The following CAPN13 variants were observed in gnomAD, a reference collection of about 807,000 sequenced individuals.
CAPN13 encodes calpain-13.
A neutral mutation model predicts 98.4 loss-of-function variants in CAPN13; 90 were observed. That is an observed-to-expected ratio of 0.92 (90% CI 0.77 to 1.09). The LOEUF is 1.09. Ranked by LOEUF, CAPN13 falls within the 50% of genes least tolerant of loss-of-function variation. The pLI is 0.00. For missense variants in CAPN13, 887 were observed against 841.3 expected, an observed-to-expected ratio of 1.05 and a Z score of -0.67; for synonymous variants, 330 against 305.5, an observed-to-expected ratio of 1.08 and a Z score of -0.84.
chr2:30,759,958 G>A (rs984603215), intron 7 of CAPN13, among the ~76,000 whole-genome samples: 3 of 152,138 alleles, frequency 2.0e-5, no homozygotes, highest in Non-Finnish European at 2.9e-5. Context: ...TGCCTGCCCC[G>A]CTCCCTGGCC....
chr2:30,725,211 T>A (rs72613860), intron 22 of CAPN13, among the ~76,000 whole-genome samples: 5,883 of 152,126 alleles, frequency 0.039, 200 homozygotes, highest in East Asian at 0.14. Flanking sequence ...GAGCAATGAG[T>A]TAAGTGTTAG....
Position 30,807,045 on chromosome 2 carries a change from C to T in CAPN13, c.-33+257G>A, listed in dbSNP as rs540053343. On this transcript the variant is annotated intron_variant, in intron 1 of 22. Transcript: ENST00000295055. The stretch of plus-strand genomic sequence containing the variant: ...TGACAGAATGATTAAGAAATACTCT[C>T]TTTGCATGAAATATGCAAAGTTTGG... Among the ~76,000 whole-genome samples, 53 of 152,288 alleles carry T rather than the reference C, an allele frequency of 3.5e-4. 1 individual carries two copies. The South Asian group carries it at 8.7e-3, about 25-fold the overall frequency.
At chr2:30,802,892 C>T (rs1675373442) in intron 1 of CAPN13, among the ~76,000 whole-genome samples, 1 of 152,198 alleles carries the variant, frequency 6.6e-6, no homozygotes, top group African/African-American at 2.4e-5. Context: ...CCACGCCCAC[C>T]TAGGGCAGGT....
At chr2:30,800,308 T>C (rs981992980) in intron 1 of CAPN13, among the ~76,000 whole-genome samples, 1 of 152,068 alleles carries the variant, frequency 6.6e-6, no homozygotes, top group Admixed American at 6.6e-5. Context: ...ATCAACAGCT[T>C]GGCGCAAGAG....
chr2:30,751,077 G>C, intron 11 of CAPN13, 26 bp downstream of exon 11: 1 of 1,610,790 alleles, frequency 6.2e-7, no homozygotes, highest in Non-Finnish European at 8.5e-7. Flanking sequence ...TTCTACAAGG[G>C]AAAGCCCTGA....
chr2:30,786,847 A>G (rs779528849), intron 2 of CAPN13, among the ~76,000 whole-genome samples: 3 of 152,178 alleles, frequency 2.0e-5, no homozygotes, highest in Non-Finnish European at 4.4e-5. Context: ...TACAATCTTC[A>G]TACCCGTGGT....
chr2:30,761,424 C>T (rs11679542), intron 7 of CAPN13, among the ~76,000 whole-genome samples: 12 of 152,144 alleles, frequency 7.9e-5, no homozygotes, highest in African/African-American at 2.7e-4. Context: ...CCCGAGCTCC[C>T]CTTTGTCACC....
chr2:30,756,410 C>G (rs948516496), intron 8 of CAPN13, among the ~76,000 whole-genome samples: 18 of 152,222 alleles, frequency 1.2e-4, no homozygotes, highest in African/African-American at 3.6e-4. Flanking sequence ...ATCCATGAAG[C>G]TTTCCCTGAA....
chr2:30,778,771 A>G (rs1039082660), intron 2 of CAPN13, among the ~76,000 whole-genome samples: 2 of 152,080 alleles, frequency 1.3e-5, no homozygotes, highest in African/African-American at 4.8e-5. Flanking sequence ...TGCTTTCTCT[A>G]CAACTAACTG....
At chr2:30,755,055 G>C (rs1045836080) in intron 8 of CAPN13, among the ~76,000 whole-genome samples, 6 of 152,070 alleles carry the variant, frequency 3.9e-5, no homozygotes, top group African/African-American at 1.4e-4. Context: ...CCAGTTTCTT[G>C]CTTTCTCACC....
At chr2:30,773,380 G>C (rs2148044008) in intron 4 of CAPN13, among the ~76,000 whole-genome samples, 1 of 152,226 alleles carries the variant, frequency 6.6e-6, no homozygotes. Flanking sequence ...TCTAATAAAG[G>C]TTTAATTAGA....
intron 15 of CAPN13, among the ~76,000 whole-genome samples, chr2:30,738,911 GTGA>G (rs1671520278): frequency 6.6e-6 from 1 of 152,094 alleles, no homozygotes; most frequent in African/African-American, 2.4e-5. Context: ...GTGCACGTGT[GTGA>G]TAATAGGAAT....
intron 12 of CAPN13, among the ~76,000 whole-genome samples, chr2:30,744,888 G>A (rs975713043): frequency 6.6e-6 from 1 of 152,174 alleles, no homozygotes; most frequent in Non-Finnish European, 1.5e-5. Context: ...GACCTGAGAC[G>A]CTGATGGCTC....
In CAPN13 at chr2:30,759,028, TTCCCTCCCTCCCTCCTTCCTTCCTTCCC is replaced by T. The variant is rs1468436994; in HGVS notation, c.775-919_775-892del. Among the ~76,000 whole-genome samples, 432 of 72,044 alleles carry T rather than the reference TTCCCTCCCTCCCTCCTTCCTTCCTTCCC, an allele frequency of 6.0e-3. 5 individuals are homozygous for T. The highest frequency in any genetic ancestry group is 0.025 in the African/African-American group (407 of 16,276). 47.3% of individuals were successfully genotyped at this position (72,044 alleles called of 152,430 possible). On this transcript the variant is annotated intron_variant, in intron 7 of 22. Coordinates refer to ENST00000295055, the MANE Select transcript of CAPN13 (RefSeq NM_144575.3). ...TTCCCTTCCCTGCTCCTATTCTTCC[TTCCCTCCCTCCCTCCTTCCTTCCTTCCC>T]TCCCTCCCTCCCTCCTCCCTCCCTT...
rs537539142 is a variant in CAPN13 at position 30,730,185 on chromosome 2, T to C, written c.*30+545A>G. On this transcript the variant is annotated intron_variant, in intron 22 of 22. Transcript: ENST00000295055. ...TACAGCAGGGTTAGGGTGTGGACTA[T>C]GTAACTCTAGGGTCTGTTTCATGAA... 3.5e-4 allele frequency among the ~76,000 whole-genome samples: 53 copies of C among 152,280 alleles called. No homozygotes were observed. In the South Asian group the frequency reaches 4.1e-3, roughly 12 times the overall value.
At chr2:30,806,489 G>C (rs1266296875) in intron 1 of CAPN13, among the ~76,000 whole-genome samples, 1 of 152,206 alleles carries the variant, frequency 6.6e-6, no homozygotes, top group Admixed American at 6.5e-5. Flanking sequence ...AGGATAATCT[G>C]ATTGAAAGTC....
At chr2:30,763,525 T>C (rs1672952405) in intron 6 of CAPN13, among the ~76,000 whole-genome samples, 1 of 152,248 alleles carries the variant, frequency 6.6e-6, no homozygotes, top group Non-Finnish European at 1.5e-5. Context: ...GAGTTTAAAC[T>C]GCATCTTGGG....
At chr2:30,806,482 A>T (rs1209072680) in intron 1 of CAPN13, among the ~76,000 whole-genome samples, 3 of 152,224 alleles carry the variant, frequency 2.0e-5, no homozygotes, top group Non-Finnish European at 4.4e-5. Context: ...ATTCAAGAGG[A>T]TAATCTGATT....
chr2:30,757,931 G>A, intron 8 of CAPN13, 115 bp downstream of exon 8: 1 of 747,900 alleles, frequency 1.3e-6, no homozygotes, highest in Non-Finnish European at 2.1e-6. Flanking sequence ...GTGTGAGCTG[G>A]ACAGGCCTGC....
Sources: allele counts gnomAD v4.1 joint callset (sites outside exome capture counted in the v4.1 genomes callset), GRCh38; gene constraint gnomAD v4.1.1; transcripts MANE v1.5; gene names NCBI Gene and HGNC (gene_info 2026-07-23, HGNC 2026-07-21).